NOL4: variants seen among roughly 807,000 people sequenced by gnomAD.
NOL4 encodes the protein nucleolar protein 4.
NOL4 carries 17 observed loss-of-function variants against 75.9 expected under a neutral mutation model. The ratio of observed to expected loss-of-function variants is 0.22; its 90% CI spans 0.15 to 0.34. The LOEUF is 0.34. Among genes scored for constraint, NOL4 ranks in the 10% least tolerant of loss-of-function variants. NOL4 has a pLI of 1.00. For synonymous variants in NOL4, 292 were observed against 289.9 expected, an observed-to-expected ratio of 1.01 and a Z score of -0.07; for missense variants, 614 against 793.5, an observed-to-expected ratio of 0.77 and a Z score of 2.72.
chr18:34,078,030 C>G (rs527515714), intron 5 of NOL4, among the ~76,000 whole-genome samples: 1 of 152,268 alleles, frequency 6.6e-6, no homozygotes, highest in East Asian at 1.9e-4. Context: ...ATTCACTTTT[C>G]TCATCATAAA....
intron 6 of NOL4, among the ~76,000 whole-genome samples, chr18:33,979,241 A>AC (rs992449084): frequency 1.4e-4 from 22 of 151,792 alleles, no homozygotes; most frequent in African/African-American, 5.1e-4. Context: ...AAACAAAGTC[A>AC]CCCCCCATTC....
At chr18:34,183,348 T>G (rs556614079) in intron 1 of NOL4, among the ~76,000 whole-genome samples, 34 of 151,958 alleles carry the variant, frequency 2.2e-4, no homozygotes, top group African/African-American at 7.0e-4. Flanking sequence ...AAGATATCAC[T>G]ATACACTATT....
chr18:33,965,596 G>A (rs1306278998), intron 6 of NOL4, among the ~76,000 whole-genome samples: 1 of 152,146 alleles, frequency 6.6e-6, no homozygotes. Context: ...AACCATGGGG[G>A]AGGTTTTCCT....
At chr18:34,079,406 AC>A (rs2077896211) in intron 5 of NOL4, among the ~76,000 whole-genome samples, 1 of 151,498 alleles carries the variant, frequency 6.6e-6, no homozygotes, top group Admixed American at 6.6e-5. Flanking sequence ...TCTCCTTGCC[AC>A]CCCATCCTAG....
chr18:34,085,499 C>T lies in NOL4; in HGVS notation c.772+7966G>A, dbSNP rs138760728. On this transcript the variant is annotated intron_variant, in intron 5 of 10. Coordinates refer to ENST00000261592, the MANE Select transcript of NOL4 (RefSeq NM_003787.5). ...CTCCAAAGCAAGCATGTAACCAAGC[C>T]GATTTCCCCTAGTTTCCCAGAGGAT... Among the ~76,000 whole-genome samples, 624 of 152,256 alleles carry T rather than the reference C, an allele frequency of 4.1e-3. 6 individuals are homozygous for T. Among genetic ancestry groups the T allele is most frequent in the African/African-American group, 0.014 (593 of 41,544 alleles).
At chr18:33,860,803 G>A (rs1265053652) in intron 10 of NOL4, among the ~76,000 whole-genome samples, 52 of 147,124 alleles carry the variant, frequency 3.5e-4, no homozygotes, top group African/African-American at 1.1e-3. Flanking sequence ...TTTGAGATAC[G>A]TCCCATCAAT....
At position 34,224,572 on chromosome 18, in the gene NOL4, C is replaced by T. The variant is rs1453927875; in HGVS notation, c.-1319G>A. The T allele has an allele frequency of 6.6e-6, 1 of 152,234 alleles. No homozygotes were observed. The highest frequency in any genetic ancestry group is 2.4e-5 in the African/African-American group (1 of 41,444). The allele number at this position is 152,234 out of a possible 1,614,324, so 9.4% of individuals were successfully genotyped here. On this transcript the variant is annotated 5_prime_UTR_variant, in exon 1 of 11. Transcript: ENST00000261592. ...TCTACTCTCACCCGAGGCCCGCGCC[C>T]GTCCCGGGGAGCGGCTCTGCCAGGA... is the stretch of plus-strand genomic sequence containing the variant.
At chr18:33,859,578 C>T (rs1332908652) in intron 10 of NOL4, among the ~76,000 whole-genome samples, 1 of 151,932 alleles carries the variant, frequency 6.6e-6, no homozygotes, top group Non-Finnish European at 1.5e-5. Flanking sequence ...AATTTTGAGG[C>T]TTTATTATTG....
At chr18:33,892,646 T>TCTC (rs1019580110) in intron 9 of NOL4, among the ~76,000 whole-genome samples, 2 of 42,424 alleles carry the variant, frequency 4.7e-5, no homozygotes, top group Non-Finnish European at 9.0e-5. Context: ...TTCTTCTCCT[T>TCTC]CTCCTTCTTC....
At chr18:34,022,860 T>A (rs2075125605) in intron 5 of NOL4, among the ~76,000 whole-genome samples, 1 of 152,118 alleles carries the variant, frequency 6.6e-6, no homozygotes, top group African/African-American at 2.4e-5. Context: ...AATCATTATG[T>A]ATATCTAATA....
chr18:34,111,520 T>C (rs1020919037), intron 2 of NOL4, among the ~76,000 whole-genome samples: 6 of 152,032 alleles, frequency 3.9e-5, no homozygotes, highest in Non-Finnish European at 8.8e-5. Context: ...ATCATCTACG[T>C]GGAATGATTC....
intron 5 of NOL4, among the ~76,000 whole-genome samples, chr18:34,051,916 G>T (rs989542780): frequency 5.9e-5 from 9 of 151,870 alleles, no homozygotes; most frequent in African/African-American, 2.2e-4. Context: ...ATTTTAAAAA[G>T]ATACATTTAA....
chr18:33,919,453 A>G (rs2066907633), intron 9 of NOL4, among the ~76,000 whole-genome samples: 1 of 152,232 alleles, frequency 6.6e-6, no homozygotes, highest in East Asian at 1.9e-4. Flanking sequence ...TAACTTGCAT[A>G]TAACTTTTCA....
At chr18:34,173,097 C>T (rs1277823694) in intron 1 of NOL4, among the ~76,000 whole-genome samples, 1 of 151,904 alleles carries the variant, frequency 6.6e-6, no homozygotes, top group Admixed American at 6.6e-5. Context: ...CCATTTGCAA[C>T]AACATGGATG....
chr18:34,107,802 C>T (rs1190568384), intron 2 of NOL4, among the ~76,000 whole-genome samples: 4 of 151,986 alleles, frequency 2.6e-5, no homozygotes, highest in Non-Finnish European at 4.4e-5. Flanking sequence ...CAGCATTTGT[C>T]CCCTCACAGA....
intron 6 of NOL4, among the ~76,000 whole-genome samples, chr18:34,007,804 T>C (rs1600229714): frequency 6.6e-6 from 1 of 152,150 alleles, no homozygotes; most frequent in Admixed American, 6.6e-5. Flanking sequence ...TTGTATCATG[T>C]CAGGCAGAAT....
At chr18:33,886,394 G>A (rs868835758) in intron 9 of NOL4, among the ~76,000 whole-genome samples, 5 of 151,600 alleles carry the variant, frequency 3.3e-5, no homozygotes, top group Admixed American at 3.3e-4. Context: ...TGGGCGTGGT[G>A]GTGGGCCCCT....
intron 5 of NOL4, among the ~76,000 whole-genome samples, chr18:34,058,290 C>A (rs534555445): frequency 1.1e-4 from 17 of 152,108 alleles, no homozygotes; most frequent in African/African-American, 3.9e-4. Context: ...CCCGCCACCA[C>A]GCCCGGCTAA....
intron 1 of NOL4, among the ~76,000 whole-genome samples, chr18:34,172,392 T>C (rs1288637225): frequency 6.6e-6 from 1 of 152,104 alleles, no homozygotes; most frequent in Non-Finnish European, 1.5e-5. Flanking sequence ...CATGTGTGTA[T>C]ATACATATAC....
Sources: allele counts gnomAD v4.1 joint callset (sites outside exome capture counted in the v4.1 genomes callset), GRCh38; gene constraint gnomAD v4.1.1; transcripts MANE v1.5; gene names NCBI Gene and HGNC (gene_info 2026-07-23, HGNC 2026-07-21).